The following SNRPN variants were observed in gnomAD, a reference collection of about 807,000 sequenced individuals.
The protein encoded by SNRPN is small nuclear ribonucleoprotein-associated protein N.
In SNRPN, 7 loss-of-function variants were observed where a neutral mutation model predicts 25.2. The observed-to-expected ratio is 0.28, with a 90% CI of 0.16 to 0.52. The LOEUF (loss-of-function observed/expected upper bound fraction) is 0.52. Among genes scored for constraint, SNRPN ranks in the 20% least tolerant of loss-of-function variants. SNRPN has a pLI of 0.96. For missense variants in SNRPN, 196 were observed against 322.5 expected (o/e 0.61, Z 3.00); for synonymous variants, 124 against 110.6 (o/e 1.12, Z -0.76).
chr15:24,845,462 G>C (rs1313744088), intron 2 of SNRPN, among the ~76,000 whole-genome samples: 2 of 152,124 alleles, frequency 1.3e-5, no homozygotes, highest in Non-Finnish European at 2.9e-5. Context: ...GCCGAGTGTG[G>C]TGGCACATGC....
At chr15:24,840,693 G>C in intron 2 of SNRPN, among the ~76,000 whole-genome samples, 1 of 152,198 alleles carries the variant, frequency 6.6e-6, no homozygotes, top group East Asian at 1.9e-4. Flanking sequence ...CTAACCAGCT[G>C]CCAGGCCTCC....
chr15:24,924,059 A>T (rs959467), intron 3 of SNRPN, among the ~76,000 whole-genome samples: 1 of 150,012 alleles, frequency 6.7e-6, no homozygotes, highest in African/African-American at 2.5e-5. Context: ...TGAACTCAGG[A>T]GTCTTTCCTC....
At chr15:24,957,434 G>A (rs1227503929) in intron 1 of SNRPN, among the ~76,000 whole-genome samples, 1 of 152,118 alleles carries the variant, frequency 6.6e-6, no homozygotes, top group Non-Finnish European at 1.5e-5. Context: ...TTTGAAGTTG[G>A]AGCTACTACA....
At chr15:24,926,992 C>T (rs1200247505) in intron 3 of SNRPN, among the ~76,000 whole-genome samples, 1 of 152,114 alleles carries the variant, frequency 6.6e-6, no homozygotes, top group Non-Finnish European at 1.5e-5. Context: ...GCCTGGGTGA[C>T]AGAGTGAGAC....
At chr15:24,935,000 A>G (rs999222721) in intron 3 of SNRPN, among the ~76,000 whole-genome samples, 8 of 152,008 alleles carry the variant, frequency 5.3e-5, no homozygotes, top group Non-Finnish European at 4.4e-5. Flanking sequence ...TGCCGGGTTC[A>G]GTGGCTCACA....
intron 1 of SNRPN, among the ~76,000 whole-genome samples, chr15:24,882,614 C>T (rs1307794074): frequency 6.6e-6 from 1 of 151,926 alleles, no homozygotes; most frequent in African/African-American, 2.4e-5. Context: ...ATCATGAGGT[C>T]AGGAGTTCGA....
intron 3 of SNRPN, among the ~76,000 whole-genome samples, chr15:24,940,020 C>A (rs781483778): frequency 1.3e-5 from 2 of 152,124 alleles, no homozygotes; most frequent in Non-Finnish European, 2.9e-5. Context: ...AAACCATTGG[C>A]CTCCTGTGAT....
At chr15:24,862,679 A>G (rs1440607365) in intron 1 of SNRPN, among the ~76,000 whole-genome samples, 1 of 151,152 alleles carries the variant, frequency 6.6e-6, no homozygotes, top group Non-Finnish European at 1.5e-5. Flanking sequence ...AACAGAAACT[A>G]AACTGCAAGT....
At chr15:24,876,414 TGA>T (rs36044747) in intron 1 of SNRPN, among the ~76,000 whole-genome samples, 12,549 of 151,950 alleles carry the variant, frequency 0.083, 814 homozygotes, top group East Asian at 0.24. Context: ...GTCAGGAGTT[TGA>T]GACCAGCCTG....
intron 1 of SNRPN, among the ~76,000 whole-genome samples, chr15:24,885,716 CTGTGTGTGTGTGTGTGTG>C (rs58691279): frequency 4.9e-5 from 7 of 141,636 alleles, no homozygotes; most frequent in African/African-American, 1.8e-4. Flanking sequence ...GAATCTGGGG[CTGTGTGTGTGTGTGTGTG>C]TGTGTGTGTG....
At chr15:24,947,618 ACT>A (rs1399053866) in intron 3 of SNRPN, among the ~76,000 whole-genome samples, 3 of 152,060 alleles carry the variant, frequency 2.0e-5, no homozygotes, top group Admixed American at 6.6e-5. Context: ...ACAGAGTGAG[ACT>A]CTGTCTCAAA....
intron 3 of SNRPN, among the ~76,000 whole-genome samples, chr15:24,945,821 G>A (rs1009134028): frequency 7.2e-5 from 11 of 152,188 alleles, no homozygotes; most frequent in South Asian, 4.2e-4. Context: ...AGATTGAGGC[G>A]GGAGAGGAGA....
rs953346230 is a variant in SNRPN, at chr15:24,974,774, G to C, written c.3+318G>C. On this transcript the variant is annotated intron_variant, in intron 4 of 9. Transcript: ENST00000390687. ...GGGTTTCACTGTGTTGGCCAGGCTG[G>C]TCTCAGGCTCCTGACCTCTGGTGAT... 4.9e-6 allele frequency: 3 copies of C among 618,418 alleles called. No individual in the cohort carries two copies. In the African/African-American group the frequency reaches 5.5e-5, roughly 11 times the overall value. 38.3% of individuals were successfully genotyped at this position (618,418 alleles called of 1,614,324 possible).
chr15:24,898,871 G>A (rs943167005), intron 2 of SNRPN, among the ~76,000 whole-genome samples: 5 of 152,160 alleles, frequency 3.3e-5, no homozygotes, highest in African/African-American at 4.8e-5. Context: ...TGGAGGCTGC[G>A]AAGGCCCCAA....
intron 2 of SNRPN, among the ~76,000 whole-genome samples, chr15:24,894,217 C>CT (rs34191566): frequency 0.24 from 35,255 of 144,758 alleles, 4,656 homozygotes; most frequent in African/African-American, 0.36. Flanking sequence ...AAGCCAAATT[C>CT]TTTTTTTTTT....
intron 2 of SNRPN, among the ~76,000 whole-genome samples, chr15:24,836,505 GT>G (rs1249689220): frequency 1.3e-5 from 2 of 151,786 alleles, no homozygotes; most frequent in African/African-American, 4.9e-5. Context: ...TCTGCGTCCC[GT>G]TTTCAAGCGA....
intron 1 of SNRPN, among the ~76,000 whole-genome samples, chr15:24,956,592 T>G (rs1273186821): frequency 6.6e-6 from 1 of 152,124 alleles, no homozygotes; most frequent in Admixed American, 6.5e-5. Context: ...GGGCGAGACG[T>G]GGGGCAGGGG....
In SNRPN at chr15:24,976,068, G is replaced by A. The variant is rs1293188444; in HGVS notation, c.156-237G>A. ...TTTCACAAAAGAAATTAGTCTTGTT[G>A]TAGTGTAACATCAAAGGAACATTCT... On this transcript the variant is annotated intron_variant, in intron 5 of 9. Transcript: ENST00000390687. Among the ~76,000 whole-genome samples the A allele has an allele frequency of 3.3e-5, 5 of 152,096 alleles. No individual in the cohort carries two copies. The East Asian group carries it at 7.7e-4, about 23-fold the overall frequency.
intron 1 of SNRPN, among the ~76,000 whole-genome samples, chr15:24,881,529 G>T (rs1366777052): frequency 8.5e-5 from 2 of 23,394 alleles, no homozygotes. Flanking sequence ...GAAACTCCGA[G>T]AGAGAGAGAG....
Sources: allele counts gnomAD v4.1 joint callset (sites outside exome capture counted in the v4.1 genomes callset), GRCh38; gene constraint gnomAD v4.1.1; transcripts MANE v1.5; gene names NCBI Gene and HGNC (gene_info 2026-07-23, HGNC 2026-07-21).